CACNA1G: variants seen among roughly 807,000 people sequenced by gnomAD.
The protein encoded by CACNA1G is voltage-dependent T-type calcium channel subunit alpha-1G.
Under a neutral mutation model 219.4 loss-of-function variants are expected in CACNA1G, and 67 were observed. The observed-to-expected ratio is 0.31, with a 90% CI of 0.25 to 0.37. The LOEUF is 0.37. Ranked by LOEUF, CACNA1G falls within the 10% of genes least tolerant of loss-of-function variation. The pLI is 1.00. For synonymous variants in CACNA1G, 1,296 were observed against 1,345.3 expected, an observed-to-expected ratio of 0.96 and a Z score of 0.80; for missense variants, 2,380 against 3,231.4, an observed-to-expected ratio of 0.74 and a Z score of 6.39.
intron 1 of CACNA1G, among the ~76,000 whole-genome samples, chr17:50,562,683 C>G (rs149399527): frequency 4.6e-5 from 7 of 152,202 alleles, no homozygotes; most frequent in Non-Finnish European, 1.0e-4. Context: ...TGCAGGCCCG[C>G]GAAAGTCTTG....
At chr17:50,584,460 G>A (rs993675201) in intron 9 of CACNA1G, among the ~76,000 whole-genome samples, 27 of 152,084 alleles carry the variant, frequency 1.8e-4, no homozygotes, top group Non-Finnish European at 3.2e-4. Flanking sequence ...GGACAGAGCT[G>A]GAGCTGTGGG....
At chr17:50,581,560 C>G (rs1288199618) in intron 9 of CACNA1G, among the ~76,000 whole-genome samples, 1 of 152,204 alleles carries the variant, frequency 6.6e-6, no homozygotes, top group Non-Finnish European at 1.5e-5. Context: ...TGCGCTACCC[C>G]ACCATCCTCC....
Position 50,576,334 on chromosome 17 carries a change from C to T in CACNA1G, c.1924+8C>T, listed in dbSNP as rs1231785959. 4.5e-6 allele frequency: 7 copies of T among 1,563,862 alleles called. No homozygotes were observed. Among genetic ancestry groups the T allele is most frequent in the Non-Finnish European group, 6.1e-6 (7 of 1,154,228 alleles). ...TGGAGACACAGAGTACAGGTGAGAA[C>T]TCTGGGTGGAGGCATGTGGGTGCCC... On this transcript the variant is annotated splice_region_variant and intron_variant, in intron 8 of 37. Coordinates refer to ENST00000359106, the MANE Select transcript of CACNA1G (RefSeq NM_018896.5).
intron 9 of CACNA1G, among the ~76,000 whole-genome samples, chr17:50,582,132 C>T (rs1341957143): frequency 5.9e-5 from 9 of 152,182 alleles, no homozygotes; most frequent in Admixed American, 5.2e-4. Context: ...AACAAGTAAA[C>T]GGTCATATTT....
chr17:50,587,000 C>T lies in CACNA1G; in HGVS notation c.2302-3471C>T, dbSNP rs148041245. ...CTCAGGCTGCCTGGCCTCATTTCAC[C>T]GAAACCTCCACTGGGCCTTGACATC... On this transcript the variant is annotated intron_variant, in intron 9 of 37. Transcript: ENST00000359106. 3.8e-3 allele frequency among the ~76,000 whole-genome samples: 582 copies of T among 152,302 alleles called. 5 individuals are homozygous for T. The highest frequency in any genetic ancestry group is 0.013 in the African/African-American group (553 of 41,550).
rs763704033 is a variant in CACNA1G, at chr17:50,618,632, C to G, written c.5428-23C>G. 2.6e-6 allele frequency: 4 copies of G among 1,561,416 alleles called. No homozygotes were observed. The African/African-American group carries it at 5.4e-5, about 21-fold the overall frequency. On this transcript the variant is annotated intron_variant, in intron 32 of 37. Transcript: ENST00000359106. This position sits in a 1 kb window ranked among gnomAD's most constrained non-coding sequence, Gnocchi z 5.3. ...CCAACAACTGTCCTCCCCAGCCTCA[C>G]CCCTCTATTCCACCCTCCCCAGGAC...
At chr17:50,585,492 G>T (rs1206063233) in intron 9 of CACNA1G, among the ~76,000 whole-genome samples, 1 of 152,168 alleles carries the variant, frequency 6.6e-6, no homozygotes, top group Non-Finnish European at 1.5e-5. Flanking sequence ...GGGTGCTGGT[G>T]GGGGGAATAA....
intron 7 of CACNA1G, among the ~76,000 whole-genome samples, chr17:50,575,081 C>G (rs917990667): frequency 6.6e-6 from 1 of 152,178 alleles, no homozygotes; most frequent in African/African-American, 2.4e-5. Context: ...ATGTTTTTGT[C>G]AAGATCTCAA....
chr17:50,580,175 G>T lies in CACNA1G; in HGVS notation c.2301+1611G>T, dbSNP rs553859586. Among the ~76,000 whole-genome samples, 107 of 152,262 alleles carry T rather than the reference G, an allele frequency of 7.0e-4. 1 individual carries two copies. The Middle Eastern group carries it at 0.017, about 24-fold the overall frequency. The stretch of plus-strand genomic sequence containing the variant: ...CTTGACACCACGGTGGGCATGTTGT[G>T]TCTGGGCTACGTGGGTGTGGGTGTG... On this transcript the variant is annotated intron_variant, in intron 9 of 37. Coordinates refer to ENST00000359106, the MANE Select transcript of CACNA1G (RefSeq NM_018896.5).
At position 50,599,430 on chromosome 17, in the gene CACNA1G, C is replaced by T; in HGVS notation, c.3261C>T (p.Pro1087=). 1 of 1,541,924 alleles carries T rather than the reference C, an allele frequency of 6.5e-7. No individual in the cohort carries two copies. Residue 1087 remains proline (P), a splice_region_variant and synonymous_variant, in exon 17 of 38, where the codon CCC becomes CCT. Transcript: ENST00000359106. ...ACTCCTCCCCTGCTCACCCACAGCC[C>T]AGCGCCCGCAGCTCTCCGCACAGCC... The part of the protein sequence containing the change: ...PGAAHEMKSP[P]SARSSPHSPW...
chr17:50,572,554 C>A lies in CACNA1G; in HGVS notation c.747C>A (p.Leu249=). Residue 249 remains leucine, a splice_region_variant and synonymous_variant, in exon 6 of 38, where the codon CTC becomes CTA. Transcript: ENST00000359106. ...NRCFLPENFS[L]PLSVDLERYY... Reference sequence around the variant, plus strand: ...CCCTGTTCCCCTTCCCATCCTGCAGCCCCCTGAGCGTGGACCTGGAGCGCT... The same window carrying A: ...CCCTGTTCCCCTTCCCATCCTGCAGACCCCTGAGCGTGGACCTGGAGCGCT... 2 of 1,530,978 alleles carry A rather than the reference C, an allele frequency of 1.3e-6. No homozygotes were observed. Among genetic ancestry groups the A allele is most frequent in the Non-Finnish European group, 1.8e-6 (2 of 1,136,928 alleles). 94.8% of individuals were successfully genotyped at this position (1,530,978 alleles called of 1,614,324 possible). A position where few individuals can be genotyped will look rare whatever the true frequency, so the allele number is the denominator to read the frequency against.
chr17:50,575,630 C>T lies in CACNA1G; in HGVS notation c.1228C>T (p.Arg410Trp), dbSNP rs776457023. ...ETKQRESQLM[R>W]EQRVRFLSNA... ...CAAGCAGCGGGAAAGCCAGCTGATG[C>T]GGGAGCAGCGTGTGCGGTTCCTGTC... The change falls in exon 8 of 38, where the codon CGG becomes TGG. Residue 410 changes from arginine (R) to tryptophan (W), a missense_variant. This residue lies in a region of CACNA1G where 72 missense variants were observed against 175.8 expected (regional missense o/e 0.41). Transcript: ENST00000359106. 10 of 1,613,608 alleles carry T rather than the reference C, an allele frequency of 6.2e-6. No individual in the cohort carries two copies. The highest frequency in any genetic ancestry group is 3.3e-5 in the South Asian group (3 of 91,060).
rs2053963387 is a variant in CACNA1G at position 50,627,309 on chromosome 17, C to T, written c.*558C>T. 1 of 417,350 alleles carries T rather than the reference C, an allele frequency of 2.4e-6. No individual in the cohort carries two copies. The highest frequency in any genetic ancestry group is 4.8e-6 in the Non-Finnish European group (1 of 206,208). 25.9% of individuals were successfully genotyped at this position (417,350 alleles called of 1,614,324 possible). ...AACCATTTTGGAAACTGTAATGTAA[C>T]TTATTTTTTCCTTTAACCTCGTCAT... is the stretch of plus-strand genomic sequence containing the variant. On this transcript the variant is annotated 3_prime_UTR_variant, in exon 38 of 38. Coordinates refer to ENST00000359106, the MANE Select transcript of CACNA1G (RefSeq NM_018896.5).
chr17:50,606,419 A>G (rs1228502069), intron 23 of CACNA1G: 1 of 595,546 alleles, frequency 1.7e-6, no homozygotes, highest in East Asian at 2.8e-5. Context: ...CCAGGGCCTC[A>G]GTTTCATTAA....
intron 9 of CACNA1G, among the ~76,000 whole-genome samples, chr17:50,585,919 G>A (rs1436446221): frequency 6.6e-6 from 1 of 152,186 alleles, no homozygotes; most frequent in Non-Finnish European, 1.5e-5. Flanking sequence ...GAACAGAAGA[G>A]CAGAGATTTC....
chr17:50,624,324 T>TGGG, intron 36 of CACNA1G, 36 bp from the exon 37 acceptor site: 1 of 1,177,662 alleles, frequency 8.5e-7, no homozygotes, highest in Non-Finnish European at 1.2e-6. Flanking sequence ...CTCCATTCTC[T>TGGG]CCCCCCACCC....
intron 22 of CACNA1G, 147 bp downstream of exon 22, chr17:50,604,428 C>A (rs1169695476): frequency 2.9e-6 from 3 of 1,039,704 alleles, no homozygotes; most frequent in Non-Finnish European, 4.1e-6. Flanking sequence ...GCTCTAGGCC[C>A]TTTTACCTCC....
In CACNA1G at chr17:50,626,926, C is replaced by G. The variant is rs1251536298; in HGVS notation, c.*175C>G. ...CAGAACTTCCAAAGAGAGTTAAAAG[C>G]AGCAGCCCCGGCAACTCTGGCTCCA... is the stretch of plus-strand genomic sequence containing the variant. On this transcript the variant is annotated 3_prime_UTR_variant, in exon 38 of 38. Transcript: ENST00000359106. The surrounding 1 kb of genome is among the most constrained non-coding windows in gnomAD (Gnocchi z 4.3). 1.2e-5 allele frequency: 10 copies of G among 848,540 alleles called. No individual in the cohort carries two copies. Among genetic ancestry groups the G allele is most frequent in the Non-Finnish European group, 2.0e-5 (10 of 509,414 alleles). 52.6% of individuals were successfully genotyped at this position (848,540 alleles called of 1,614,324 possible).
intron 9 of CACNA1G, among the ~76,000 whole-genome samples, chr17:50,589,910 C>CTGTG (rs1433425710): frequency 1.6e-4 from 23 of 146,486 alleles, no homozygotes; most frequent in African/African-American, 5.1e-4. Context: ...CTCTCTCTCT[C>CTGTG]TCTGTGTGTG....
Sources: allele counts gnomAD v4.1 joint callset (sites outside exome capture counted in the v4.1 genomes callset), GRCh38; gene constraint gnomAD v4.1.1; regional missense constraint gnomAD v4.1.1; non-coding constraint Gnocchi (gnomAD v3.1); transcripts MANE v1.5; gene names NCBI Gene and HGNC (gene_info 2026-07-23, HGNC 2026-07-21).